Variants in FBXL17 observed in about 807,000 individuals in gnomAD.
FBXL17 encodes the protein F-box/LRR-repeat protein 17.
FBXL17 carries 22 observed loss-of-function variants against 66.2 expected under a neutral mutation model. The ratio of observed to expected loss-of-function variants is 0.33; its 90% CI spans 0.24 to 0.47. The LOEUF (loss-of-function observed/expected upper bound fraction) is 0.47, where lower values mean the gene tolerates loss of function less well. Ranked by LOEUF, FBXL17 falls within the 20% of genes least tolerant of loss-of-function variation. The pLI, the probability that FBXL17 is intolerant of heterozygous loss-of-function variation, is 1.00. For synonymous variants in FBXL17, 474 were observed against 400.5 expected, an observed-to-expected ratio of 1.18 and a Z score of -2.19; for missense variants, 878 against 948.2, an observed-to-expected ratio of 0.93 and a Z score of 0.97.
chr5:108,123,023 T>C (rs1195153481), intron 6 of FBXL17, among the ~76,000 whole-genome samples: 6 of 151,658 alleles, frequency 4.0e-5, no homozygotes, highest in Admixed American at 3.3e-4. Flanking sequence ...TCTCAGGTTC[T>C]AGTGTGATTT....
chr5:108,215,100 T>C (rs1754543629), intron 5 of FBXL17, among the ~76,000 whole-genome samples: 1 of 152,264 alleles, frequency 6.6e-6, no homozygotes, highest in South Asian at 2.1e-4. Flanking sequence ...ATTCTGCTTA[T>C]ACATACATGA....
At chr5:108,341,415 T>G (rs1746873246) in intron 4 of FBXL17, among the ~76,000 whole-genome samples, 1 of 152,194 alleles carries the variant, frequency 6.6e-6, no homozygotes, top group East Asian at 1.9e-4. Flanking sequence ...AGTACGAATG[T>G]AAGACAACAG....
chr5:108,285,419 C>T lies in FBXL17; in HGVS notation c.1507-61191G>A, dbSNP rs140392367. On this transcript the variant is annotated intron_variant, in intron 4 of 8. Coordinates refer to ENST00000542267, the MANE Select transcript of FBXL17 (RefSeq NM_001163315.3). ...GAATCACTATCTATGGCAGCTATAGCCTTACAAAATATACATTTATTCTTA... is the reference window on the plus strand; with the variant it reads ...GAATCACTATCTATGGCAGCTATAGTCTTACAAAATATACATTTATTCTTA... 2.0e-5 allele frequency among the ~76,000 whole-genome samples: 3 copies of T among 151,838 alleles called. No individual in the cohort carries two copies. In the East Asian group the frequency reaches 5.8e-4, roughly 29 times the overall value.
chr5:108,194,131 T>TC (rs1374542099), intron 5 of FBXL17, among the ~76,000 whole-genome samples: 2 of 152,128 alleles, frequency 1.3e-5, no homozygotes, highest in Non-Finnish European at 2.9e-5. Flanking sequence ...ATCAAGGCCC[T>TC]CCATTGTCCA....
At chr5:107,865,241 G>A (rs1005901176) in intron 8 of FBXL17, among the ~76,000 whole-genome samples, 2 of 152,244 alleles carry the variant, frequency 1.3e-5, no homozygotes, top group South Asian at 2.1e-4. Flanking sequence ...AATTTGTTTT[G>A]GAGGGCCAAT....
chr5:108,249,130 G>C (rs1411933397), intron 4 of FBXL17, among the ~76,000 whole-genome samples: 2 of 152,080 alleles, frequency 1.3e-5, no homozygotes, highest in Non-Finnish European at 2.9e-5. Flanking sequence ...ATTCAACCCA[G>C]AGTTAATGCT....
At chr5:108,249,299 C>G (rs532492268) in intron 4 of FBXL17, among the ~76,000 whole-genome samples, 174 of 152,110 alleles carry the variant, frequency 1.1e-3, no homozygotes, top group Non-Finnish European at 2.2e-3. Context: ...TTTGCTCCTG[C>G]TAGGGAGTGT....
At position 108,237,897 on chromosome 5, in the gene FBXL17, T is replaced by C. The variant is rs187598312; in HGVS notation, c.1507-13669A>G. ...GACAGAAATACCAAATGAAAGAAAT[T>C]TATTTAAATTCACAAAAAATATAAA... On this transcript the variant is annotated intron_variant, in intron 4 of 8. Transcript: ENST00000542267. 8.5e-5 allele frequency among the ~76,000 whole-genome samples: 13 copies of C among 152,280 alleles called. No individual in the cohort carries two copies. In the East Asian group the frequency reaches 2.3e-3, roughly 27 times the overall value.
intron 7 of FBXL17, among the ~76,000 whole-genome samples, chr5:107,901,628 C>T (rs980203630): frequency 1.3e-5 from 2 of 152,102 alleles, no homozygotes; most frequent in East Asian, 1.9e-4. Context: ...ACTTCTCCTC[C>T]GTAAAGACAT....
chr5:108,032,353 C>G (rs1746674036), intron 6 of FBXL17, among the ~76,000 whole-genome samples: 2 of 152,052 alleles, frequency 1.3e-5, no homozygotes, highest in South Asian at 4.1e-4. Context: ...ACCTGGCACA[C>G]TTAAAAAATA....
chr5:107,910,243 A>G (rs1202161491), intron 7 of FBXL17, among the ~76,000 whole-genome samples: 2 of 152,152 alleles, frequency 1.3e-5, no homozygotes, highest in African/African-American at 4.8e-5. Context: ...CTGTTTTGAA[A>G]ACTAAGTATG....
chr5:108,265,767 G>A (rs1250097472), intron 4 of FBXL17, among the ~76,000 whole-genome samples: 1 of 152,124 alleles, frequency 6.6e-6, no homozygotes, highest in Non-Finnish European at 1.5e-5. Context: ...AAATATTAAT[G>A]TGCAAGCAAA....
Position 108,088,700 on chromosome 5 carries a change from C to CAAA in FBXL17, c.1746-67702_1746-67700dup, listed in dbSNP as rs57707936. Among the ~76,000 whole-genome samples the CAAA allele has an allele frequency of 2.4e-4, 12 of 49,300 alleles. 4 individuals carry two copies. Among genetic ancestry groups the CAAA allele is most frequent in the African/African-American group, 3.5e-4 (4 of 11,526 alleles). 32.3% of individuals were successfully genotyped at this position (49,300 alleles called of 152,430 possible). A position where few individuals can be genotyped will look rare whatever the true frequency, so the allele number is the denominator to read the frequency against. On this transcript the variant is annotated intron_variant, in intron 6 of 8. Coordinates refer to ENST00000542267, the MANE Select transcript of FBXL17 (RefSeq NM_001163315.3). ...TGGCCGACAGAGCGAGACTCTATCT[C>CAAA]AAAAAAAAAAAAAAAAAAAAAAAAA...
At chr5:108,315,170 A>AG (rs1466907843) in intron 4 of FBXL17, among the ~76,000 whole-genome samples, 1 of 151,134 alleles carries the variant, frequency 6.6e-6, no homozygotes, top group African/African-American at 2.4e-5. Context: ...TTATTACTGA[A>AG]GTAAAAAGGT....
At chr5:108,272,956 G>T (rs1277534480) in intron 4 of FBXL17, among the ~76,000 whole-genome samples, 2 of 152,126 alleles carry the variant, frequency 1.3e-5, no homozygotes, top group African/African-American at 4.8e-5. Flanking sequence ...GTGTCGGCCA[G>T]CTTGAGAAAT....
chr5:107,980,887 G>A (rs560160412), intron 7 of FBXL17, among the ~76,000 whole-genome samples: 264 of 149,660 alleles, frequency 1.8e-3, no homozygotes, highest in African/African-American at 6.3e-3. Context: ...CTCGTGATCC[G>A]CCCGCCTCGG....
At chr5:108,101,514 C>G (rs1561410261) in intron 6 of FBXL17, among the ~76,000 whole-genome samples, 1 of 152,210 alleles carries the variant, frequency 6.6e-6, no homozygotes, top group East Asian at 1.9e-4. Context: ...AGAATACAGT[C>G]ACTGGCAATG....
intron 2 of FBXL17, among the ~76,000 whole-genome samples, chr5:108,367,287 G>A (rs1374333618): frequency 6.6e-6 from 1 of 151,548 alleles, no homozygotes; most frequent in Non-Finnish European, 1.5e-5. Context: ...AAACACATTA[G>A]GCAGCTAAGC....
At chr5:107,892,445 C>T (rs1393556047) in intron 7 of FBXL17, among the ~76,000 whole-genome samples, 2 of 152,054 alleles carry the variant, frequency 1.3e-5, no homozygotes, top group Admixed American at 1.3e-4. Flanking sequence ...TTTTTCCTTA[C>T]ATGTTTGTGT....
Sources: allele counts gnomAD v4.1 joint callset (sites outside exome capture counted in the v4.1 genomes callset), GRCh38; gene constraint gnomAD v4.1.1; transcripts MANE v1.5; gene names NCBI Gene and HGNC (gene_info 2026-07-23, HGNC 2026-07-21).